CEP112: variants seen among roughly 807,000 people sequenced by gnomAD.
CEP112 encodes centrosomal protein 112.
Under a neutral mutation model 153.0 loss-of-function variants are expected in CEP112, and 127 were observed. That is an observed-to-expected ratio of 0.83 (90% CI 0.72 to 0.96). The LOEUF (loss-of-function observed/expected upper bound fraction) is 0.96. Among genes scored for constraint, CEP112 ranks in the 40% least tolerant of loss-of-function variants. The pLI is 0.00. For synonymous variants in CEP112, 358 were observed against 374.4 expected (o/e 0.96, Z 0.51); for missense variants, 1,089 against 1,101.2 (o/e 0.99, Z 0.16).
At chr17:65,969,761 C>A (rs1489229514) in intron 17 of CEP112, among the ~76,000 whole-genome samples, 4 of 152,190 alleles carry the variant, frequency 2.6e-5, no homozygotes, top group Admixed American at 6.5e-5. Context: ...ATGCTTATTA[C>A]ATGTAAATCA....
chr17:65,859,317 G>A (rs1047886987), intron 20 of CEP112, among the ~76,000 whole-genome samples: 6 of 151,748 alleles, frequency 4.0e-5, no homozygotes, highest in Non-Finnish European at 8.8e-5. Flanking sequence ...GCAGGTGCCT[G>A]TAATCTCAGC....
Position 65,853,309 on chromosome 17 carries a change from G to A in CEP112, c.2164-1275C>T, listed in dbSNP as rs368573161. ...ATTCCAATCAGTGCCTTTGTCTTCAGATGGATTTGTTCTCTCTGGGTGTCT... is the reference window on the plus strand; with the variant it reads ...ATTCCAATCAGTGCCTTTGTCTTCAAATGGATTTGTTCTCTCTGGGTGTCT... On this transcript the variant is annotated intron_variant, in intron 20 of 26. Transcript: ENST00000535342. 1.3e-3 allele frequency among the ~76,000 whole-genome samples: 200 copies of A among 152,158 alleles called. 6 individuals are homozygous for A. In the South Asian group the frequency reaches 0.039, roughly 30 times the overall value.
intron 17 of CEP112, among the ~76,000 whole-genome samples, chr17:65,970,632 T>TTACATGCATGCACGCATGTATATTACA (rs1469710898): frequency 6.6e-6 from 1 of 152,044 alleles, no homozygotes; most frequent in Non-Finnish European, 1.5e-5. Context: ...TGGAAGCATA[T>TTACATGCATGCACGCATGTATATTACA]TACATGCATG....
chr17:66,096,657 ATAAGGATTTAT>A, intron 6 of CEP112, 25 bp from the exon 7 acceptor site: 1 of 1,416,146 alleles, frequency 7.1e-7, no homozygotes. Context: ...ATAAAACAAA[ATAAGGATTTAT>A]TAATTTTGGA....
At chr17:65,874,049 T>C (rs1389961432) in intron 20 of CEP112, among the ~76,000 whole-genome samples, 1 of 152,200 alleles carries the variant, frequency 6.6e-6, no homozygotes, top group Non-Finnish European at 1.5e-5. Flanking sequence ...AAAACCATTA[T>C]ATGTATGCAT....
Position 65,937,345 on chromosome 17 carries a change from C to T in CEP112, c.1873-9656G>A, listed in dbSNP as rs559597109. 1.6e-3 allele frequency among the ~76,000 whole-genome samples: 181 copies of T among 115,094 alleles called. 15 individuals carry two copies. Among genetic ancestry groups the T allele is most frequent in the African/African-American group, 5.0e-3 (149 of 29,992 alleles). The allele number at this position is 115,094 out of a possible 152,430, so 75.5% of individuals were successfully genotyped here. On this transcript the variant is annotated intron_variant, in intron 18 of 26. Transcript: ENST00000535342. ...CTAGGAAGTGAGGAGCGCCTCTTCC[C>T]GGCCGCCATCCCATCTAGGAAGTGA...
chr17:66,005,732 TC>T lies in CEP112; in HGVS notation c.1693del (p.Glu565LysfsTer14). ...DLQSELDKGK[E>X]DTQKKIHKFE... Reference sequence around the variant, plus strand: ...TTTATGAATTTTCTTTTGAGTATCTTCTTTTCCTTTATCAAGTTCACTCTGC... The same window carrying T: ...TTTATGAATTTTCTTTTGAGTATCTTTTTTCCTTTATCAAGTTCACTCTGC... On this transcript the variant is annotated frameshift_variant, in exon 17 of 27. Coordinates refer to ENST00000535342, the MANE Select transcript of CEP112 (RefSeq NM_001199165.4). LOFTEE classifies it high-confidence loss of function. 1.2e-6 allele frequency: 2 copies of T among 1,609,954 alleles called. No individual in the cohort carries two copies. Among genetic ancestry groups the T allele is most frequent in the Non-Finnish European group, 1.7e-6 (2 of 1,178,812 alleles).
chr17:65,829,721 T>C (rs974197368), intron 21 of CEP112, among the ~76,000 whole-genome samples: 17 of 152,088 alleles, frequency 1.1e-4, no homozygotes, highest in Non-Finnish European at 2.9e-5. Flanking sequence ...AAAATATATA[T>C]AGTGACTACA....
In CEP112 at chr17:66,129,784, T is replaced by C; in HGVS notation, c.604A>G (p.Ser202Gly). 1 of 1,612,656 alleles carries C rather than the reference T, an allele frequency of 6.2e-7. No homozygotes were observed. The highest frequency in any genetic ancestry group is 8.5e-7 in the Non-Finnish European group (1 of 1,179,408). Residue 202 changes from serine (S) to glycine (G), a missense_variant, in exon 6 of 27, where the codon AGT becomes GGT. Ser to Gly is a moderately conservative substitution (Grantham distance 56). Transcript: ENST00000535342. ...SKKSPVSLDDSDIEARLNSWN... is the reference protein window; with the variant it reads ...SKKSPVSLDDGDIEARLNSWN... ...CTATTAAGGCGAGCTTCAATGTCAC[T>C]ATCATCCAAAGAAACAGGAGATTTT... is the stretch of plus-strand genomic sequence containing the variant.
chr17:65,941,431 A>C (rs190060556), intron 18 of CEP112: 15 of 152,292 alleles, frequency 9.8e-5, no homozygotes, highest in African/African-American at 3.6e-4. Flanking sequence ...AACAAAATGC[A>C]TGTTATTTTA....
chr17:65,905,648 G>A (rs1295420939), intron 19 of CEP112, among the ~76,000 whole-genome samples: 1 of 152,014 alleles, frequency 6.6e-6, no homozygotes, highest in Non-Finnish European at 1.5e-5. Context: ...ACACATGCAT[G>A]GCTGGGTACG....
chr17:65,640,344 G>A (rs1389488962), intron 25 of CEP112, among the ~76,000 whole-genome samples: 1 of 151,474 alleles, frequency 6.6e-6, no homozygotes, highest in East Asian at 1.9e-4. Flanking sequence ...AGTAGAGACG[G>A]GATTTTGCCG....
chr17:65,669,631 C>CGT (rs2046866534), intron 24 of CEP112, among the ~76,000 whole-genome samples: 2 of 152,146 alleles, frequency 1.3e-5, no homozygotes, highest in African/African-American at 2.4e-5. Context: ...AGGCCGGGTA[C>CGT]GGTGGCTCAT....
At chr17:65,877,061 T>C (rs1425436775) in intron 20 of CEP112, among the ~76,000 whole-genome samples, 4 of 152,176 alleles carry the variant, frequency 2.6e-5, no homozygotes, top group African/African-American at 9.7e-5. Flanking sequence ...AAAATGCAGA[T>C]GAGAAGCTCT....
At chr17:65,968,507 G>A (rs764760254) in intron 17 of CEP112, among the ~76,000 whole-genome samples, 10 of 152,070 alleles carry the variant, frequency 6.6e-5, no homozygotes, top group African/African-American at 1.9e-4. Flanking sequence ...ATGAAAAGTC[G>A]CAATAGATAT....
chr17:65,710,811 TC>T (rs2049141694), intron 23 of CEP112, among the ~76,000 whole-genome samples: 1 of 152,214 alleles, frequency 6.6e-6, no homozygotes, highest in Non-Finnish European at 1.5e-5. Flanking sequence ...TTACTCTGCG[TC>T]CCCGCTCTTT....
intron 4 of CEP112, among the ~76,000 whole-genome samples, chr17:66,142,534 CAAGAT>C (rs1455226747): frequency 1.3e-5 from 2 of 152,108 alleles, no homozygotes; most frequent in Non-Finnish European, 2.9e-5. Context: ...GTGTATGGTG[CAAGAT>C]AAGGGCCAAA....
chr17:66,069,888 A>C, intron 9 of CEP112, 27 bp downstream of exon 9: 1 of 1,329,446 alleles, frequency 7.5e-7, no homozygotes, highest in East Asian at 2.3e-5. Flanking sequence ...TGTTCAATAT[A>C]ATTAAAACAC....
chr17:65,826,431 GC>G lies in CEP112; in HGVS notation c.2394+25372del. The G allele has an allele frequency of 1.9e-6, 3 of 1,560,924 alleles. No homozygotes were observed. The East Asian group carries it at 6.7e-5, about 35-fold the overall frequency. On this transcript the variant is annotated intron_variant, in intron 21 of 26. Transcript: ENST00000535342. Reference sequence around the variant, plus strand: ...CTCCCCTGATAGAAAGGTGACTTGGGCCCAGAGGGTTAGAGTGTCTGAGATT... The same window carrying G: ...CTCCCCTGATAGAAAGGTGACTTGGGCCAGAGGGTTAGAGTGTCTGAGATT...
Sources: gnomAD v4.1 joint callset for allele counts (sites outside exome capture counted in the v4.1 genomes callset) on GRCh38, gnomAD v4.1.1 for gene constraint, MANE v1.5 for transcripts, NCBI Gene and HGNC (gene_info 2026-07-23, HGNC 2026-07-21) for gene names.